Variants in MYH10 observed in about 807,000 individuals in gnomAD.
MYH10 encodes the protein myosin-10.
Under a neutral mutation model 257.8 loss-of-function variants are expected in MYH10, and 55 were observed. The observed-to-expected ratio is 0.21, with a 90% confidence interval of 0.17 to 0.27. The LOEUF (loss-of-function observed/expected upper bound fraction) is 0.27. MYH10 is among the 10% of genes least tolerant of loss of function. MYH10 has a pLI of 1.00. For missense variants in MYH10, 1,631 were observed against 2,500.6 expected, an observed-to-expected ratio of 0.65 and a Z score of 7.42; for synonymous variants, 854 against 921.7, an observed-to-expected ratio of 0.93 and a Z score of 1.33.
intron 2 of MYH10, among the ~76,000 whole-genome samples, chr17:8,608,810 A>ATTT (rs531809094): frequency 3.6e-5 from 5 of 140,804 alleles, no homozygotes; most frequent in East Asian, 2.1e-4. Context: ...TGATTGGGAA[A>ATTT]TTTTTTTTTT....
Position 8,506,634 on chromosome 17 carries a change from G to C in MYH10, c.3215-145C>G, listed in dbSNP as rs2081082199. The C allele has an allele frequency of 3.8e-6, 3 of 797,054 alleles. No homozygotes were observed. The highest frequency in any genetic ancestry group is 5.8e-6 in the Non-Finnish European group (3 of 518,082). The allele number at this position is 797,054 out of a possible 1,614,324, so 49.4% of individuals were successfully genotyped here. ...CCTGATGACATGGTCATGCGCTGAT[G>C]TCAACTGCTCAGTCATTTCAAACCC... On this transcript the variant is annotated intron_variant, in intron 26 of 42. Transcript: ENST00000360416. This position sits in a 1 kb window ranked among gnomAD's most constrained non-coding sequence, Gnocchi z 5.0.
intron 14 of MYH10, among the ~76,000 whole-genome samples, chr17:8,540,115 G>C (rs1015323372): frequency 2.0e-5 from 3 of 152,206 alleles, no homozygotes; most frequent in Admixed American, 6.5e-5. Context: ...TCAGCCTCCT[G>C]AGTAGCCGAG....
At chr17:8,554,955 A>G (rs956719750) in intron 7 of MYH10, among the ~76,000 whole-genome samples, 2 of 152,074 alleles carry the variant, frequency 1.3e-5, no homozygotes, top group African/African-American at 4.8e-5. Flanking sequence ...TCCATCTCAA[A>G]GCAAAATAAA....
At chr17:8,489,525 C>T (rs1354514209) in intron 35 of MYH10, among the ~76,000 whole-genome samples, 1 of 152,078 alleles carries the variant, frequency 6.6e-6, no homozygotes, top group Non-Finnish European at 1.5e-5. Flanking sequence ...CCAACACGAT[C>T]AAATCCCGTC....
At chr17:8,590,702 CCTT>C (rs1441171426) in intron 3 of MYH10, among the ~76,000 whole-genome samples, 2 of 151,946 alleles carry the variant, frequency 1.3e-5, no homozygotes, top group Admixed American at 1.3e-4. Flanking sequence ...ATGTCTGCCT[CCTT>C]TATTCATTTA....
At chr17:8,560,274 T>C (rs1255206721) in intron 7 of MYH10, among the ~76,000 whole-genome samples, 2 of 152,216 alleles carry the variant, frequency 1.3e-5, no homozygotes, top group Non-Finnish European at 2.9e-5. Context: ...TTGGGCAATA[T>C]GATAACATTA....
In MYH10 at chr17:8,484,221, A is replaced by T. The variant is rs1258160779; in HGVS notation, c.5092T>A (p.Ser1698Thr). ...GATTGAGCAAAAATCTCATCTCTGG[A>T]TGCACGAGCTTCTTCTAATTCACGT... ...YQRELEEARA[S>T]RDEIFAQSKE... Residue 1698 changes from serine to threonine, a missense_variant, in exon 37 of 43, where the codon TCC becomes ACC. Physicochemically the swap from Ser to Thr is moderately conservative, Grantham distance 58. Transcript: ENST00000360416. 2 of 1,613,082 alleles carry T rather than the reference A, an allele frequency of 1.2e-6. No individual in the cohort carries two copies. Among genetic ancestry groups the T allele is most frequent in the Admixed American group, 1.7e-5 (1 of 59,874 alleles).
chr17:8,603,801 A>G (rs938630324), intron 3 of MYH10, among the ~76,000 whole-genome samples: 1 of 152,206 alleles, frequency 6.6e-6, no homozygotes, highest in Non-Finnish European at 1.5e-5. Context: ...AGATTATTAA[A>G]TTTAATCTTT....
intron 7 of MYH10, among the ~76,000 whole-genome samples, chr17:8,567,832 A>G (rs1343503770): frequency 2.0e-5 from 3 of 152,198 alleles, no homozygotes; most frequent in African/African-American, 7.2e-5. Flanking sequence ...AATATGCAAA[A>G]ACAGCAATCA....
chr17:8,607,587 C>G lies in MYH10; in HGVS notation c.346-2605G>C, dbSNP rs1660323348. Among the ~76,000 whole-genome samples the G allele has an allele frequency of 2.0e-5, 3 of 152,300 alleles. No homozygotes were observed. In the South Asian group the frequency reaches 6.2e-4, roughly 32 times the overall value. ...CTAAAAAATTAGCACAAGTATTGAG[C>G]TCTTGTATAAACTGATCACTGAATA... On this transcript the variant is annotated intron_variant, in intron 2 of 42. Coordinates refer to ENST00000360416, the MANE Select transcript of MYH10 (RefSeq NM_001256012.3).
chr17:8,563,547 G>A (rs1298035304), intron 7 of MYH10, among the ~76,000 whole-genome samples: 1 of 152,228 alleles, frequency 6.6e-6, no homozygotes, highest in Non-Finnish European at 1.5e-5. Flanking sequence ...GATACTAAAT[G>A]GCTGTGTGCA....
intron 7 of MYH10, 133 bp from the exon 8 acceptor site, chr17:8,554,151 A>C (rs2082719320): frequency 7.3e-6 from 4 of 549,106 alleles, no homozygotes. Context: ...CCTCAAACAA[A>C]AAGAAAAAAG....
intron 14 of MYH10, among the ~76,000 whole-genome samples, chr17:8,536,229 A>G (rs187246687): frequency 1.2e-4 from 18 of 152,264 alleles, no homozygotes; most frequent in Admixed American, 1.0e-3. Context: ...GTGGCAAATA[A>G]AAGAAGCCAG....
At chr17:8,555,699 A>G (rs2151970903) in intron 7 of MYH10, among the ~76,000 whole-genome samples, 1 of 152,360 alleles carries the variant, frequency 6.6e-6, no homozygotes, top group East Asian at 1.9e-4. Flanking sequence ...CTCAAAGCAA[A>G]CAGGAGAAAA....
In MYH10 at chr17:8,548,786, A is replaced by G; in HGVS notation, c.921T>C (p.Ser307=). The G allele has an allele frequency of 6.2e-7, 1 of 1,609,056 alleles. No individual in the cohort carries two copies. Among genetic ancestry groups the G allele is most frequent in the Non-Finnish European group, 8.5e-7 (1 of 1,175,926 alleles). Residue 307 remains serine (S), a splice_region_variant and synonymous_variant, in exon 10 of 43, where the codon TCT becomes TCC. Coordinates refer to ENST00000360416, the MANE Select transcript of MYH10 (RefSeq NM_001256012.3). ...LLSGAGEHLK[S]DLLLEGFNNY... ...TATTAAATCCTTCAAGAAGCAAATC[A>G]GCTAAAAGGAAATATAATGGAAGAA...
chr17:8,559,481 C>T (rs1282229476), intron 7 of MYH10, among the ~76,000 whole-genome samples: 1 of 152,020 alleles, frequency 6.6e-6, no homozygotes, highest in African/African-American at 2.4e-5. Flanking sequence ...TCCCATTATT[C>T]TTATTATTTT....
rs142162048 is a variant in MYH10, at chr17:8,580,198, C to T, written c.531-2860G>A. On this transcript the variant is annotated intron_variant, in intron 4 of 42. Transcript: ENST00000360416. ...CTTCCAAGCCAGCACCATATTCAGT[C>T]GTTCTGAAACGTGACTAACCAGAGC... Among the ~76,000 whole-genome samples the T allele has an allele frequency of 2.2e-3, 341 of 152,172 alleles. 2 individuals are homozygous for T. Among genetic ancestry groups the T allele is most frequent in the African/African-American group, 6.8e-3 (284 of 41,518 alleles).
intron 17 of MYH10, among the ~76,000 whole-genome samples, chr17:8,528,494 C>A (rs1044198167): frequency 6.6e-6 from 1 of 152,200 alleles, no homozygotes; most frequent in African/African-American, 2.4e-5. Flanking sequence ...CTCCCCTGTT[C>A]CTTTCTCTTC....
In MYH10 at chr17:8,504,723, C is replaced by T. The variant is rs2081018831; in HGVS notation, c.3570G>A (p.Leu1190=). 1.9e-6 allele frequency: 3 copies of T among 1,614,146 alleles called. No individual in the cohort carries two copies. Among genetic ancestry groups the T allele is most frequent in the Non-Finnish European group, 2.5e-6 (3 of 1,180,032 alleles). The change falls in exon 28 of 43, where the codon CTG becomes CTA. Residue 1190 remains leucine, a synonymous_variant. Transcript: ENST00000360416. This position sits in a 1 kb window ranked among gnomAD's most constrained non-coding sequence, Gnocchi z 5.6. The part of the protein sequence containing the change: ...EALKTELEDT[L]DTTAAQQELR... ...GTTCCTGCTGGGCTGCCGTGGTGTC[C>T]AGCGTGTCCTCCAGCTCTGTTTTCA...
Sources: gnomAD v4.1 joint callset for allele counts (sites outside exome capture counted in the v4.1 genomes callset) on GRCh38, gnomAD v4.1.1 for gene constraint, Gnocchi (gnomAD v3.1) non-coding constraint, MANE v1.5 for transcripts, NCBI Gene and HGNC (gene_info 2026-07-23, HGNC 2026-07-21) for gene names.